Variants in KHDC1 observed in about 807,000 individuals in gnomAD.
KHDC1 encodes KH homology domain-containing protein 1.
Under a neutral mutation model 24.7 loss-of-function variants are expected in KHDC1, and 21 were observed. The ratio of observed to expected loss-of-function variants is 0.85; its 90% CI spans 0.60 to 1.23. The LOEUF (loss-of-function observed/expected upper bound fraction) is 1.23. Among genes scored for constraint, KHDC1 ranks in the 50% most tolerant of loss-of-function variants. The pLI, the probability that KHDC1 is intolerant of heterozygous loss-of-function variation, is 0.00. For missense variants in KHDC1, 274 were observed against 298.5 expected, an observed-to-expected ratio of 0.92 and a Z score of 0.61; for synonymous variants, 98 against 111.7, an observed-to-expected ratio of 0.88 and a Z score of 0.77.
chr6:73,282,168 A>T (rs558746499), intron 2 of KHDC1, among the ~76,000 whole-genome samples: 1 of 146,090 alleles, frequency 6.8e-6, no homozygotes, highest in East Asian at 2.0e-4. Context: ...TAGTGAGCCA[A>T]GATTACACCA....
chr6:73,276,877 A>G (rs1405544496), intron 2 of KHDC1, among the ~76,000 whole-genome samples: 1 of 152,258 alleles, frequency 6.6e-6, no homozygotes, highest in Non-Finnish European at 1.5e-5. Context: ...AATAAAAAAT[A>G]AATGTAAAAT....
chr6:73,273,533 C>T (rs774248615), intron 2 of KHDC1, among the ~76,000 whole-genome samples: 11 of 151,682 alleles, frequency 7.3e-5, no homozygotes, highest in Non-Finnish European at 7.4e-5. Context: ...AAGCCAGGCA[C>T]GGGCCGGGCG....
intron 2 of KHDC1, among the ~76,000 whole-genome samples, chr6:73,280,072 G>A (rs559115474): frequency 1.3e-4 from 20 of 152,278 alleles, no homozygotes; most frequent in African/African-American, 4.8e-4. Context: ...AAATGTGATA[G>A]CCAGTCCTAC....
At chr6:73,285,065 G>A (rs1767495293) in intron 2 of KHDC1, among the ~76,000 whole-genome samples, 2 of 151,856 alleles carry the variant, frequency 1.3e-5, no homozygotes, top group African/African-American at 2.4e-5. Flanking sequence ...GGCTAGTCTC[G>A]AACTGCTGAC....
chr6:73,287,356 T>G (rs1040212105), intron 2 of KHDC1, among the ~76,000 whole-genome samples: 2 of 152,122 alleles, frequency 1.3e-5, no homozygotes, highest in Non-Finnish European at 2.9e-5. Flanking sequence ...AAGTGGCAAG[T>G]CAGCTTCACA....
At chr6:73,291,524 G>A (rs764484825) in intron 2 of KHDC1, among the ~76,000 whole-genome samples, 4 of 151,456 alleles carry the variant, frequency 2.6e-5, no homozygotes, top group Non-Finnish European at 5.9e-5. Context: ...TAGAGGTTTC[G>A]CTTTGTTGCC....
intron 1 of KHDC1, chr6:73,301,129 T>C (rs1286538157): frequency 4.0e-5 from 6 of 151,854 alleles, no homozygotes; most frequent in Non-Finnish European, 8.8e-5. Context: ...GGCAGGAGAA[T>C]GGCGTGAACC....
chr6:73,295,439 C>A (rs773773272), intron 1 of KHDC1, among the ~76,000 whole-genome samples: 1 of 152,146 alleles, frequency 6.6e-6, no homozygotes, highest in Non-Finnish European at 1.5e-5. Context: ...CAGTGGCTCA[C>A]GCCTGTAATC....
chr6:73,291,203 G>A (rs539846503), intron 2 of KHDC1: 7 of 464,818 alleles, frequency 1.5e-5, no homozygotes, highest in Non-Finnish European at 3.0e-5. Flanking sequence ...TACCATGAAT[G>A]ACTGGTCTGC....
chr6:73,253,055 A>G (rs1035679342), intron 2 of KHDC1, among the ~76,000 whole-genome samples: 3 of 152,230 alleles, frequency 2.0e-5, no homozygotes, highest in African/African-American at 7.2e-5. Flanking sequence ...GCTTAGTCCT[A>G]TCTATGTACT....
intron 2 of KHDC1, among the ~76,000 whole-genome samples, chr6:73,256,824 C>G (rs1766887336): frequency 6.6e-6 from 1 of 152,120 alleles, no homozygotes; most frequent in African/African-American, 2.4e-5. Context: ...GAACTGGAAC[C>G]CAACTCTCCT....
intron 2 of KHDC1, among the ~76,000 whole-genome samples, chr6:73,289,681 G>C (rs1479968922): frequency 6.6e-6 from 1 of 151,774 alleles, no homozygotes; most frequent in Non-Finnish European, 1.5e-5. Flanking sequence ...AAAAAAAACG[G>C]CCAGGCACTG....
At chr6:73,253,123 C>T (rs1280231689) in intron 2 of KHDC1, among the ~76,000 whole-genome samples, 1 of 152,034 alleles carries the variant, frequency 6.6e-6, no homozygotes, top group Non-Finnish European at 1.5e-5. Context: ...CATGAAAAGA[C>T]CAATCAGTGA....
chr6:73,301,649 A>G (rs550490771), intron 1 of KHDC1, among the ~76,000 whole-genome samples: 36 of 151,870 alleles, frequency 2.4e-4, no homozygotes, highest in African/African-American at 8.2e-4. Context: ...TTTTTTTCTT[A>G]GAGACAGTGT....
At chr6:73,290,454 G>A in intron 2 of KHDC1, 1 of 349,260 alleles carries the variant, frequency 2.9e-6, no homozygotes, top group Non-Finnish European at 5.6e-6. Flanking sequence ...CACTAACTTT[G>A]ATTTCCAAAT....
At chr6:73,248,210 T>C (rs928339254) in intron 2 of KHDC1, among the ~76,000 whole-genome samples, 2 of 152,162 alleles carry the variant, frequency 1.3e-5, no homozygotes, top group African/African-American at 2.4e-5. Flanking sequence ...GGGTGGACTA[T>C]TGTGAGAAAT....
At chr6:73,255,581 T>A (rs1766866269) in intron 2 of KHDC1, among the ~76,000 whole-genome samples, 1 of 148,844 alleles carries the variant, frequency 6.7e-6, no homozygotes, top group Non-Finnish European at 1.5e-5. Context: ...CATCCTTCAG[T>A]GGGATCATTG....
chr6:73,304,695 G>A (rs1012815076), intron 1 of KHDC1, among the ~76,000 whole-genome samples: 1 of 152,072 alleles, frequency 6.6e-6, no homozygotes, highest in Admixed American at 6.6e-5. Context: ...TCAAAGAAAA[G>A]GTTGGCAACA....
intron 2 of KHDC1, among the ~76,000 whole-genome samples, chr6:73,259,882 G>GC (rs933133296): frequency 5.9e-5 from 9 of 152,152 alleles, no homozygotes; most frequent in Admixed American, 5.9e-4. Flanking sequence ...TAAGAAACAA[G>GC]CCCCTGCAAG....
Sources: allele counts gnomAD v4.1 joint callset (sites outside exome capture counted in the v4.1 genomes callset), GRCh38; gene constraint gnomAD v4.1.1; transcripts MANE v1.5; gene names NCBI Gene and HGNC (gene_info 2026-07-23, HGNC 2026-07-21).